Variants in MUC4 observed in about 807,000 individuals in gnomAD.
The protein encoded by MUC4 is mucin 4, cell surface associated.
Under a neutral mutation model 257.9 loss-of-function variants are expected in MUC4, and 202 were observed. The observed-to-expected ratio is 0.78, with a 90% CI of 0.70 to 0.88. MUC4 has a LOEUF of 0.88. Among genes scored for constraint, MUC4 ranks in the 40% least tolerant of loss-of-function variants. The pLI is 0.00. For missense variants in MUC4, 5,976 were observed against 6,513.7 expected, an observed-to-expected ratio of 0.92 and a Z score of 2.84; for synonymous variants, 2,351 against 2,757.1, an observed-to-expected ratio of 0.85 and a Z score of 4.62.
In MUC4 at chr3:195,782,065, G is replaced by T. The variant is rs1252036523; in HGVS notation, c.9515C>A (p.Thr3172Asn). 3 of 1,420,008 alleles carry T rather than the reference G, an allele frequency of 2.1e-6. No individual in the cohort carries two copies. Among genetic ancestry groups the T allele is most frequent in the Non-Finnish European group, 2.8e-6 (3 of 1,070,126 alleles). 88.0% of individuals were successfully genotyped at this position (1,420,008 alleles called of 1,614,324 possible). ...ACCTGTGGATACTGAGGAAAGGCTGGTGACAGGAAGAGGGGTGGCCTGACC... is the reference window on the plus strand; with the variant it reads ...ACCTGTGGATACTGAGGAAAGGCTGTTGACAGGAAGAGGGGTGGCCTGACC... Reference protein sequence around the residue: ...STGQATPLPVTSLSSVSTGDT... With the variant: ...STGQATPLPVNSLSSVSTGDT... The change falls in exon 2 of 25, where the codon ACC (threonine) becomes AAC (asparagine). Residue 3172 changes from threonine to asparagine, a missense_variant. By Grantham distance (65) the Thr-to-Asn change is moderately conservative. Coordinates refer to ENST00000463781, the MANE Select transcript of MUC4 (RefSeq NM_018406.7).
chr3:195,756,404 G>T (rs1442284004), intron 18 of MUC4, among the ~76,000 whole-genome samples: 1 of 152,218 alleles, frequency 6.6e-6, no homozygotes. Flanking sequence ...GCTGTGGGGC[G>T]CTGTGAGAAA....
intron 6 of MUC4, 30 bp from the exon 7 acceptor site, chr3:195,769,182 T>C (rs1722259890): frequency 6.2e-7 from 1 of 1,612,646 alleles, no homozygotes; most frequent in Non-Finnish European, 8.5e-7. Flanking sequence ...AACACAGGGA[T>C]GCCCGTGAGA....
chr3:195,789,493 G>C lies in MUC4; in HGVS notation c.2087C>G (p.Ala696Gly). The C allele has an allele frequency of 6.2e-7, 1 of 1,613,902 alleles. No individual in the cohort carries two copies. The highest frequency in any genetic ancestry group is 1.1e-5 in the South Asian group (1 of 91,084). Residue 696 changes from alanine to glycine, a missense_variant, in exon 2 of 25, where the codon GCC becomes GGC. Ala to Gly is a moderately conservative substitution (Grantham distance 60, BLOSUM62 0). Coordinates refer to ENST00000463781, the MANE Select transcript of MUC4 (RefSeq NM_018406.7). ...APTISAATTFAPAPTGDGHTT... is the reference protein window; with the variant it reads ...APTISAATTFGPAPTGDGHTT... ...GTGACCATCCCCGGTGGGAGCTGGG[G>C]CAAAGGTTGTTGCTGCACTTATGGT...
chr3:195,767,644 GCCACCACCA>G (rs1199351487), intron 7 of MUC4, among the ~76,000 whole-genome samples: 21 of 22,760 alleles, frequency 9.2e-4, no homozygotes, highest in South Asian at 5.0e-3. Context: ...CACCACCATC[GCCACCACCA>G]CCACCACCAC....
chr3:195,798,703 C>CA lies in MUC4; in HGVS notation c.83-7207dup, dbSNP rs1328954235. ...TGGGTGACAGAGTGAGACTCCGTCTCAAAAAAAAAATTAAAAATTAAAAAA... is the reference window on the plus strand; with the variant it reads ...TGGGTGACAGAGTGAGACTCCGTCTCAAAAAAAAAAATTAAAAATTAAAAAA... On this transcript the variant is annotated intron_variant, in intron 1 of 24. Coordinates refer to ENST00000463781, the MANE Select transcript of MUC4 (RefSeq NM_018406.7). 1.3e-3 allele frequency among the ~76,000 whole-genome samples: 185 copies of CA among 146,596 alleles called. 2 individuals are homozygous for CA. Among genetic ancestry groups the CA allele is most frequent in the African/African-American group, 4.4e-3 (176 of 39,884 alleles).
rs1200683515 is a variant in MUC4, at chr3:195,788,329, C to T, written c.3251G>A (p.Gly1084Asp). The T allele has an allele frequency of 6.5e-7, 1 of 1,543,776 alleles. No homozygotes were observed. The highest frequency in any genetic ancestry group is 8.7e-7 in the Non-Finnish European group (1 of 1,145,916). ...AGTGACAGGAAGAGGGGTGGTGTCA[C>T]CTGTGGATGCTGAGGAAAGGCTGGT... ...PVTSLSSAST[G>D]DTTPLPVTDT... The change falls in exon 2 of 25, where the codon GGT becomes GAT. Residue 1084 changes from glycine to aspartate, a missense_variant. Gly to Asp is a moderately conservative substitution (Grantham distance 94, BLOSUM62 -1). Coordinates refer to ENST00000463781, the MANE Select transcript of MUC4 (RefSeq NM_018406.7).
intron 23 of MUC4, among the ~76,000 whole-genome samples, chr3:195,749,290 CTTCCTATGGAAAAAGT>C (rs757354110): frequency 0.26 from 34,521 of 133,812 alleles, 2,604 homozygotes; most frequent in East Asian, 0.42. Flanking sequence ...AGGGATGGTG[CTTCCTATGGAAAAAGT>C]TTCCTAGGGA....
In MUC4 at chr3:195,780,359, G is replaced by A. The variant is rs1318392332; in HGVS notation, c.11221C>T (p.His3741Tyr). The A allele has an allele frequency of 2.8e-6, 4 of 1,410,624 alleles. No homozygotes were observed. Among genetic ancestry groups the A allele is most frequent in the Non-Finnish European group, 3.8e-6 (4 of 1,048,484 alleles). 87.4% of individuals were successfully genotyped at this position (1,410,624 alleles called of 1,614,324 possible). A position where few individuals can be genotyped will look rare whatever the true frequency, so the allele number is the denominator to read the frequency against. Residue 3741 changes from histidine (H) to tyrosine (Y), a missense_variant, in exon 2 of 25, where the codon CAC becomes TAC. This residue lies in a region of MUC4 where 330 missense variants were observed against 262.0 expected (regional missense o/e 1.26). Coordinates refer to ENST00000463781, the MANE Select transcript of MUC4 (RefSeq NM_018406.7). ...VTSPSSASTG[H>Y]VTPLPVTSTS... ...CTGGTGACAGGAAGAGGGGTGACGT[G>A]ACCTGTGGATGCTGAGGAAGGGCTG...
chr3:195,811,676 GCTCCC>G, intron 1 of MUC4, 55 bp downstream of exon 1: 1 of 1,507,204 alleles, frequency 6.6e-7, no homozygotes, highest in Non-Finnish European at 9.2e-7. Flanking sequence ...TTCTCTGACA[GCTCCC>G]ACCTCCCCCA....
intron 1 of MUC4, among the ~76,000 whole-genome samples, chr3:195,798,564 C>A (rs375259800): frequency 6.6e-6 from 1 of 151,850 alleles, no homozygotes; most frequent in African/African-American, 2.4e-5. Context: ...ATTAGCCGGG[C>A]GTGGTGGCGG....
At chr3:195,747,970 C>G (rs1212189876) in intron 24 of MUC4, among the ~76,000 whole-genome samples, 1 of 152,226 alleles carries the variant, frequency 6.6e-6, no homozygotes, top group Non-Finnish European at 1.5e-5. Flanking sequence ...CACCCCCGCC[C>G]CAGCCCGGCC....
rs1420301403 is a variant in MUC4, at chr3:195,810,614, C to T, written c.82+1122G>A. Among the ~76,000 whole-genome samples the T allele has an allele frequency of 8.5e-5, 13 of 152,152 alleles. No homozygotes were observed. The highest frequency in any genetic ancestry group is 1.9e-4 in the Non-Finnish European group (13 of 68,020). On this transcript the variant is annotated intron_variant, in intron 1 of 24. Transcript: ENST00000463781. The surrounding 1 kb of genome is among the most constrained non-coding windows in gnomAD (Gnocchi z 4.2). Reference sequence around the variant, plus strand: ...TGACCCAAATGGAGGCTTTTAAACCCGAGCTCAGAGGTAAGAAGCCCACGG... The same window carrying T: ...TGACCCAAATGGAGGCTTTTAAACCTGAGCTCAGAGGTAAGAAGCCCACGG...
intron 19 of MUC4, 169 bp downstream of exon 19, chr3:195,754,044 C>T: frequency 1.1e-6 from 1 of 910,980 alleles, no homozygotes; most frequent in Non-Finnish European, 1.6e-6. Context: ...TTTCCCATAC[C>T]TGCCTAGATG....
At position 195,770,079 on chromosome 3, in the gene MUC4, G is replaced by A. The variant is rs1722461421; in HGVS notation, c.13398+137C>T. 10 of 902,470 alleles carry A rather than the reference G, an allele frequency of 1.1e-5. No individual in the cohort carries two copies. In the South Asian group the frequency reaches 1.9e-4, roughly 17 times the overall value. 55.9% of individuals were successfully genotyped at this position (902,470 alleles called of 1,614,324 possible). On this transcript the variant is annotated intron_variant, in intron 6 of 24. Coordinates refer to ENST00000463781, the MANE Select transcript of MUC4 (RefSeq NM_018406.7). ...AGCCAACAGTGGTGGCAGTGGGGGG[G>A]TGGCGGTGGGGGGGCTTGCTATAAT...
chr3:195,782,662 T>C lies in MUC4; in HGVS notation c.8918A>G (p.His2973Arg), dbSNP rs1462359451. ...GTCGGTGTCAGGAAGAGGGGTGGCG[T>C]GACCTGTGGATGCTGAGGAAGTGTC... ...VTDTSSASTG[H>R]ATPLPDTDTS... Residue 2973 changes from histidine to arginine, a missense_variant, in exon 2 of 25, where the codon CAC (histidine) becomes CGC (arginine). Physicochemically the swap from His to Arg is conservative, Grantham distance 29. This residue lies in a region of MUC4 where 13 missense variants were observed against 52.4 expected (regional missense o/e 0.25). Coordinates refer to ENST00000463781, the MANE Select transcript of MUC4 (RefSeq NM_018406.7). 1.5e-6 allele frequency: 2 copies of C among 1,311,226 alleles called. No individual in the cohort carries two copies. The highest frequency in any genetic ancestry group is 1.3e-5 in the South Asian group (1 of 75,750). 81.2% of individuals were successfully genotyped at this position (1,311,226 alleles called of 1,614,324 possible).
chr3:195,780,417 T>C lies in MUC4; in HGVS notation c.11163A>G (p.Val3721=), dbSNP rs1481873047. Reference sequence around the variant, plus strand: ...GAAGAGGGGTGACGTGACCTGTAGATACTGAGGAAGTGCTGGTGACAGGAA... The same window carrying C: ...GAAGAGGGGTGACGTGACCTGTAGACACTGAGGAAGTGCTGGTGACAGGAA... ...TPLPVTSTSS[V]STGHVTPLHV... Residue 3721 remains valine, a synonymous_variant, in exon 2 of 25, where the codon GTA becomes GTG. Coordinates refer to ENST00000463781, the MANE Select transcript of MUC4 (RefSeq NM_018406.7). The C allele has an allele frequency of 1.3e-6, 2 of 1,535,846 alleles. No homozygotes were observed. Among genetic ancestry groups the C allele is most frequent in the African/African-American group, 3.3e-5 (2 of 60,628 alleles).
At chr3:195,769,180 G>A (rs752853621) in intron 6 of MUC4, 28 bp from the exon 7 acceptor site, 4 of 1,612,886 alleles carry the variant, frequency 2.5e-6, no homozygotes, top group Admixed American at 3.3e-5. Flanking sequence ...AAAACACAGG[G>A]ATGCCCGTGA....
rs879053774 is a variant in MUC4 at position 195,790,931 on chromosome 3, T to C, written c.649A>G (p.Arg217Gly). 1 of 1,613,970 alleles carries C rather than the reference T, an allele frequency of 6.2e-7. No homozygotes were observed. The highest frequency in any genetic ancestry group is 1.7e-5 in the Admixed American group (1 of 60,022). The change falls in exon 2 of 25, where the codon AGA becomes GGA. Residue 217 changes from arginine to glycine, a missense_variant. Physicochemically the swap from Arg to Gly is moderately radical, Grantham distance 125. This residue lies in a region of MUC4 where 1,583 missense variants were observed against 1,257.4 expected (regional missense o/e 1.26). Coordinates refer to ENST00000463781, the MANE Select transcript of MUC4 (RefSeq NM_018406.7). ...GAGAAAGAAGGAGTTGAAGTGGTTC[T>C]GTGTGTTAGGGTGCTGGTTTGAGAT... Reference protein sequence around the residue: ...RESQTSTLTHRTTSTPSFSPS... With the variant: ...RESQTSTLTHGTTSTPSFSPS...
chr3:195,764,974 G>A, intron 10 of MUC4, 23 bp downstream of exon 10: 8 of 1,611,138 alleles, frequency 5.0e-6, no homozygotes, highest in Non-Finnish European at 6.8e-6. Context: ...GGAAGGTGGG[G>A]TTGAGATCAC....
Sources: allele counts gnomAD v4.1 joint callset (sites outside exome capture counted in the v4.1 genomes callset), GRCh38; gene constraint gnomAD v4.1.1; regional missense constraint gnomAD v4.1.1; non-coding constraint Gnocchi (gnomAD v3.1); transcripts MANE v1.5; gene names NCBI Gene and HGNC (gene_info 2026-07-23, HGNC 2026-07-21).